LARP1B: variants seen among roughly 807,000 people sequenced by gnomAD.
LARP1B encodes the protein la-related protein 1B.
A neutral mutation model predicts 114.2 loss-of-function variants in LARP1B; 76 were observed. The observed-to-expected ratio is 0.67, with a 90% confidence interval of 0.55 to 0.81. The LOEUF (loss-of-function observed/expected upper bound fraction) is 0.81. Ranked by LOEUF, LARP1B falls within the 30% of genes least tolerant of loss-of-function variation. The pLI is 0.00. For synonymous variants in LARP1B, 345 were observed against 348.0 expected (o/e 0.99, Z 0.10); for missense variants, 1,014 against 1,075.8 (o/e 0.94, Z 0.80).
intron 17 of LARP1B, among the ~76,000 whole-genome samples, chr4:128,201,221 T>C (rs935712932): frequency 6.6e-6 from 1 of 152,216 alleles, no homozygotes; most frequent in Non-Finnish European, 1.5e-5. Flanking sequence ...TTCTGCCATA[T>C]TGTATAGTCC....
rs139051707 is a variant in LARP1B at position 128,096,588 on chromosome 4, C to T, written c.669-1598C>T. 2.6e-5 allele frequency among the ~76,000 whole-genome samples: 4 copies of T among 151,742 alleles called. No homozygotes were observed. In the East Asian group the frequency reaches 7.8e-4, roughly 30 times the overall value. On this transcript the variant is annotated intron_variant, in intron 7 of 19. Coordinates refer to ENST00000326639, the MANE Select transcript of LARP1B (RefSeq NM_018078.4). ...CTTCTTTAGCTATATTCTGTTCACC[C>T]TTAATGTCTTTCTTTTTTTTTTTTC...
At chr4:128,213,424 T>A (rs1383214473), downstream of LARP1B, among the ~76,000 whole-genome samples, 1 of 152,226 alleles carries the variant, frequency 6.6e-6, no homozygotes, top group African/African-American at 2.4e-5. Flanking sequence ...TGGAGTGTTT[T>A]CACTTATCAA....
At chr4:128,180,188 G>A (rs994738792) in intron 15 of LARP1B, among the ~76,000 whole-genome samples, 4 of 152,078 alleles carry the variant, frequency 2.6e-5, no homozygotes, top group African/African-American at 9.7e-5. Flanking sequence ...CTGGCCTCAA[G>A]CAGTCCTCCT....
At chr4:128,098,767 A>ATATATATATATTTTTTT (rs1328165907) in intron 8 of LARP1B, among the ~76,000 whole-genome samples, 2 of 35,034 alleles carry the variant, frequency 5.7e-5, no homozygotes, top group Non-Finnish European at 9.6e-5. Context: ...ATATATATAT[A>ATATATATATATTTTTTT]TTTTTTTTTT....
At chr4:128,129,570 C>A (rs1285127118) in intron 11 of LARP1B, among the ~76,000 whole-genome samples, 1 of 151,872 alleles carries the variant, frequency 6.6e-6, no homozygotes, top group East Asian at 1.9e-4. Flanking sequence ...CCTAAAAAAC[C>A]CAGAATAGCT....
At chr4:128,129,210 C>T (rs1164157578) in intron 11 of LARP1B, among the ~76,000 whole-genome samples, 2 of 128,136 alleles carry the variant, frequency 1.6e-5, no homozygotes, top group African/African-American at 3.3e-5. Context: ...AAAAATTCAG[C>T]CGTGCGTGGT....
chr4:128,070,130 A>C (rs1311896728), intron 1 of LARP1B, among the ~76,000 whole-genome samples: 2 of 151,734 alleles, frequency 1.3e-5, no homozygotes, highest in Non-Finnish European at 2.9e-5. Flanking sequence ...CATCCTGTCT[A>C]ACACGGTGAA....
At chr4:128,098,769 T>TA (rs1561201033) in intron 8 of LARP1B, among the ~76,000 whole-genome samples, 4 of 14,422 alleles carry the variant, frequency 2.8e-4, no homozygotes, top group African/African-American at 1.1e-3. Flanking sequence ...ATATATATAT[T>TA]TTTTTTTTTT....
In LARP1B at chr4:128,067,473, A is replaced by G. The variant is rs1360537136; in HGVS notation, c.-78+6072A>G. On this transcript the variant is annotated intron_variant, in intron 1 of 19. Transcript: ENST00000326639. ...AATTATGAATTTTCTCTACATTACA[A>G]CCTGCACATCTAAGTGAACCAGATT... 3.9e-5 allele frequency among the ~76,000 whole-genome samples: 6 copies of G among 152,250 alleles called. No individual in the cohort carries two copies. In the South Asian group the frequency reaches 6.2e-4, roughly 16 times the overall value.
At position 128,113,847 on chromosome 4, in the gene LARP1B, C is replaced by T. The variant is rs529384159; in HGVS notation, c.989-723C>T. Among the ~76,000 whole-genome samples the T allele has an allele frequency of 1.2e-4, 17 of 137,980 alleles. No individual in the cohort carries two copies. In the South Asian group the frequency reaches 3.4e-3, roughly 27 times the overall value. 90.5% of individuals were successfully genotyped at this position (137,980 alleles called of 152,430 possible). ...TGTTGCCCAGGCTGGAGTGCAATAG[C>T]GCCATCTCGGCTCACTGCAACCTCC... On this transcript the variant is annotated intron_variant, in intron 9 of 19. Coordinates refer to ENST00000326639, the MANE Select transcript of LARP1B (RefSeq NM_018078.4).
intron 11 of LARP1B, among the ~76,000 whole-genome samples, chr4:128,146,818 TGA>T (rs1296703958): frequency 1.3e-5 from 2 of 152,210 alleles, no homozygotes; most frequent in Admixed American, 6.5e-5. Flanking sequence ...GAAAGAATTT[TGA>T]GAGTTTTAGG....
chr4:128,155,395 T>G, intron 11 of LARP1B: 1 of 611,492 alleles, frequency 1.6e-6, no homozygotes, highest in Non-Finnish European at 2.9e-6. Context: ...GGGCATGTTC[T>G]GAGACTTCAG....
intron 11 of LARP1B, among the ~76,000 whole-genome samples, chr4:128,159,637 A>G (rs1269757268): frequency 6.6e-6 from 1 of 152,200 alleles, no homozygotes; most frequent in African/African-American, 2.4e-5. Context: ...TAGATGCATC[A>G]TTCTCACTAA....
intron 18 of LARP1B, chr4:128,206,972 C>G (rs1578770210): frequency 8.7e-6 from 3 of 345,732 alleles, no homozygotes; most frequent in Non-Finnish European, 1.2e-5. Context: ...CCTTGCTAGC[C>G]TCAGTTTTCT....
chr4:128,090,062 C>T (rs1004010346), intron 5 of LARP1B, among the ~76,000 whole-genome samples: 2 of 150,878 alleles, frequency 1.3e-5, no homozygotes, highest in African/African-American at 4.9e-5. Flanking sequence ...TGTGAGCCAC[C>T]ACACCGGGCC....
chr4:128,107,801 G>C, intron 9 of LARP1B: 1 of 1,531,426 alleles, frequency 6.5e-7, no homozygotes, highest in Non-Finnish European at 8.7e-7. Flanking sequence ...ATTTCCAAAA[G>C]ATTTAATGTT....
At chr4:128,145,139 T>C (rs1729769488) in intron 11 of LARP1B, among the ~76,000 whole-genome samples, 1 of 152,208 alleles carries the variant, frequency 6.6e-6, no homozygotes, top group Admixed American at 6.5e-5. Context: ...AGACTTATTT[T>C]ACTCTTTCGT....
chr4:128,096,821 C>T (rs927217253), intron 7 of LARP1B, among the ~76,000 whole-genome samples: 15 of 152,030 alleles, frequency 9.9e-5, no homozygotes, highest in Admixed American at 2.0e-4. Context: ...AGGATGGTCT[C>T]GATCTCCTGA....
At chr4:128,109,989 C>T (rs1361345019) in intron 9 of LARP1B, among the ~76,000 whole-genome samples, 2 of 152,094 alleles carry the variant, frequency 1.3e-5, no homozygotes, top group East Asian at 1.9e-4. Flanking sequence ...CTGCAACTTC[C>T]GCCTCCTGGA....
Sources: gnomAD v4.1 joint callset for allele counts (sites outside exome capture counted in the v4.1 genomes callset) on GRCh38, gnomAD v4.1.1 for gene constraint, MANE v1.5 for transcripts, NCBI Gene and HGNC (gene_info 2026-07-23, HGNC 2026-07-21) for gene names.